Variants in OXSR1 observed in about 807,000 individuals in gnomAD.
OXSR1 encodes the protein serine/threonine-protein kinase OSR1.
A neutral mutation model predicts 79.8 loss-of-function variants in OXSR1; 24 were observed. The ratio of observed to expected loss-of-function variants is 0.30; its 90% CI spans 0.22 to 0.42. The LOEUF is 0.42. Ranked by LOEUF, OXSR1 falls within the 10% of genes least tolerant of loss-of-function variation. The probability of loss-of-function intolerance (pLI) is 1.00; values close to 1 mark genes in which losing one functional copy is unlikely to be tolerated. For missense variants in OXSR1, 430 were observed against 618.4 expected (o/e 0.70, Z 3.23); for synonymous variants, 226 against 209.2 (o/e 1.08, Z -0.69).
chr3:38,166,281 T>G (rs1193436254), intron 1 of OXSR1, among the ~76,000 whole-genome samples: 1 of 152,020 alleles, frequency 6.6e-6, no homozygotes, highest in Non-Finnish European at 1.5e-5. Context: ...TTTCCGAGGC[T>G]GTGTGAGAAA....
At chr3:38,249,398 C>T (rs1703210094) in intron 14 of OXSR1, among the ~76,000 whole-genome samples, 1 of 152,168 alleles carries the variant, frequency 6.6e-6, no homozygotes, top group Non-Finnish European at 1.5e-5. Context: ...CCTATCCTCT[C>T]TGCCTACCTA....
chr3:38,242,734 T>A lies in OXSR1; in HGVS notation c.1075-9T>A. 6.5e-7 allele frequency: 1 copy of A among 1,539,588 alleles called. No homozygotes were observed. Among genetic ancestry groups the A allele is most frequent in the South Asian group, 1.2e-5 (1 of 85,056 alleles). ...GAGTTAACAATCATCCTTTTTGTAT[T>A]TCGTTTAGTCTCCCCGAGTGAAAGA... On this transcript the variant is annotated splice_polypyrimidine_tract_variant and intron_variant, in intron 11 of 17. Transcript: ENST00000311806.
At chr3:38,170,309 G>A (rs1388856297) in intron 1 of OXSR1, among the ~76,000 whole-genome samples, 6 of 152,162 alleles carry the variant, frequency 3.9e-5, no homozygotes, top group Non-Finnish European at 4.4e-5. Flanking sequence ...GCCTCCCAAA[G>A]TGTTGGGGTT....
At chr3:38,199,952 T>C in intron 4 of OXSR1, among the ~76,000 whole-genome samples, 1 of 152,168 alleles carries the variant, frequency 6.6e-6, no homozygotes, top group East Asian at 1.9e-4. Context: ...GCTCTTCCCT[T>C]GGGCCCCTCT....
At chr3:38,208,143 C>T (rs1218925316) in intron 4 of OXSR1, among the ~76,000 whole-genome samples, 1 of 151,938 alleles carries the variant, frequency 6.6e-6, no homozygotes, top group African/African-American at 2.4e-5. Context: ...TTCAGTTTTT[C>T]AGTACATTTT....
chr3:38,194,109 C>T (rs1702032338), intron 3 of OXSR1, among the ~76,000 whole-genome samples: 1 of 152,224 alleles, frequency 6.6e-6, no homozygotes, highest in East Asian at 1.9e-4. Context: ...ATCTCCAGTA[C>T]ATTGGTGAAT....
intron 4 of OXSR1, among the ~76,000 whole-genome samples, chr3:38,210,249 A>C (rs555974505): frequency 3.4e-4 from 51 of 152,134 alleles, no homozygotes; most frequent in African/African-American, 1.2e-3. Flanking sequence ...CTGGGCTATC[A>C]ACTGCACAAG....
chr3:38,244,670 T>TGTGC (rs1491372358), intron 12 of OXSR1, among the ~76,000 whole-genome samples: 5,081 of 149,544 alleles, frequency 0.034, 155 homozygotes, highest in Middle Eastern at 0.079. Context: ...TGTGTGTGCG[T>TGTGC]GCGCATGTAC....
chr3:38,249,074 TG>T (rs1229287998), intron 14 of OXSR1, among the ~76,000 whole-genome samples: 3 of 152,166 alleles, frequency 2.0e-5, no homozygotes, highest in Admixed American at 2.0e-4. Flanking sequence ...GAAAATCATT[TG>T]GGGCATGTTA....
intron 12 of OXSR1, among the ~76,000 whole-genome samples, chr3:38,243,596 A>G (rs919398021): frequency 1.3e-5 from 2 of 152,176 alleles, no homozygotes; most frequent in Admixed American, 6.6e-5. Context: ...TTCTGAGCTC[A>G]GTATTTGGTT....
intron 4 of OXSR1, among the ~76,000 whole-genome samples, chr3:38,206,617 C>A (rs1427652670): frequency 6.6e-6 from 1 of 151,656 alleles, no homozygotes; most frequent in East Asian, 1.9e-4. Flanking sequence ...AAAGAAGATA[C>A]TTTCATCGGT....
At chr3:38,172,244 A>C (rs1701595771) in intron 1 of OXSR1, among the ~76,000 whole-genome samples, 1 of 151,832 alleles carries the variant, frequency 6.6e-6, no homozygotes, top group South Asian at 2.1e-4. Flanking sequence ...CATTTATTTT[A>C]TTTTCGCATC....
At chr3:38,201,313 A>T (rs914585565) in intron 4 of OXSR1, among the ~76,000 whole-genome samples, 55 of 152,226 alleles carry the variant, frequency 3.6e-4, no homozygotes, top group African/African-American at 1.3e-3. Flanking sequence ...CACGCCTATA[A>T]TCCCAGCACT....
rs1703317996 is a variant in OXSR1, at chr3:38,254,353, T to C, written c.*1462T>C. ...CACACCTTTTGTTTCATTCTGAGTC[T>C]TTAGTTTTAGTCATGGGCTTTCTTC... On this transcript the variant is annotated 3_prime_UTR_variant, in exon 18 of 18. Transcript: ENST00000311806. 1 of 396,450 alleles carries C rather than the reference T, an allele frequency of 2.5e-6. No homozygotes were observed. Among genetic ancestry groups the C allele is most frequent in the South Asian group, 1.4e-4 (1 of 7,226 alleles). 24.6% of individuals were successfully genotyped at this position (396,450 alleles called of 1,614,324 possible). A position where few individuals can be genotyped will look rare whatever the true frequency, so the allele number is the denominator to read the frequency against.
intron 5 of OXSR1, among the ~76,000 whole-genome samples, chr3:38,219,981 A>G (rs531111623): frequency 2.3e-4 from 35 of 152,032 alleles, no homozygotes; most frequent in African/African-American, 8.2e-4. Context: ...CTAATTTTCT[A>G]TTTTTTGTAC....
chr3:38,185,301 A>G lies in OXSR1; in HGVS notation c.183+2186A>G, dbSNP rs900590478. 3.9e-5 allele frequency among the ~76,000 whole-genome samples: 6 copies of G among 152,210 alleles called. No individual in the cohort carries two copies. The East Asian group carries it at 5.8e-4, about 15-fold the overall frequency. ...AACAAACTAAGTAAAAACTCTGCACAGGGCCAGGCACAGTGGCTTACGCCT... is the reference window on the plus strand; with the variant it reads ...AACAAACTAAGTAAAAACTCTGCACGGGGCCAGGCACAGTGGCTTACGCCT... On this transcript the variant is annotated intron_variant, in intron 2 of 17. Transcript: ENST00000311806.
intron 4 of OXSR1, among the ~76,000 whole-genome samples, chr3:38,203,588 G>A (rs1318409067): frequency 6.6e-6 from 1 of 152,134 alleles, no homozygotes; most frequent in Non-Finnish European, 1.5e-5. Context: ...TAGACTCATA[G>A]TGGTACCACC....
chr3:38,224,741 A>C (rs1702656575), intron 8 of OXSR1, 37 bp downstream of exon 8: 1 of 1,414,604 alleles, frequency 7.1e-7, no homozygotes, highest in African/African-American at 1.5e-5. Flanking sequence ...TCTCTCTAAT[A>C]AAACATTGTG....
chr3:38,240,886 TG>T (rs1478873767), intron 11 of OXSR1, among the ~76,000 whole-genome samples: 1 of 152,168 alleles, frequency 6.6e-6, no homozygotes, highest in Non-Finnish European at 1.5e-5. Flanking sequence ...GGAAAAGGAA[TG>T]GTTCTTCATT....
Sources: gnomAD v4.1 joint callset for allele counts (sites outside exome capture counted in the v4.1 genomes callset) on GRCh38, gnomAD v4.1.1 for gene constraint, MANE v1.5 for transcripts, NCBI Gene and HGNC (gene_info 2026-07-23, HGNC 2026-07-21) for gene names.